The following KLF12 variants were observed in gnomAD, a reference collection of about 807,000 sequenced individuals.
KLF12 encodes the protein KLF transcription factor 12, also known as Krueppel-like factor 12.
In KLF12, 9 loss-of-function variants were observed where a neutral mutation model predicts 37.8. The observed-to-expected ratio is 0.24, with a 90% CI of 0.14 to 0.42. KLF12 has a LOEUF of 0.42. Among genes scored for constraint, KLF12 ranks in the 10% least tolerant of loss-of-function variants. The pLI is 1.00. For synonymous variants in KLF12, 208 were observed against 202.1 expected, an observed-to-expected ratio of 1.03 and a Z score of -0.25; for missense variants, 411 against 516.0, an observed-to-expected ratio of 0.80 and a Z score of 1.97.
intron 6 of KLF12, among the ~76,000 whole-genome samples, chr13:73,732,054 A>G (rs7337489): frequency 6.6e-6 from 1 of 151,420 alleles, no homozygotes; most frequent in African/African-American, 2.4e-5. Flanking sequence ...CTGCTGTTTC[A>G]CTTTGTGTTA....
intron 3 of KLF12, among the ~76,000 whole-genome samples, chr13:73,915,689 A>ATTTTTTTTTTTTTTTTTTTTTTTTTTT (rs140697314): frequency 1.0e-5 from 1 of 99,150 alleles, no homozygotes; most frequent in Non-Finnish European, 2.0e-5. Context: ...ATTTTTTTGT[A>ATTTTTTTTTTTTTTTTTTTTTTTTTTT]TTTTTTTTTT....
chr13:73,698,525 T>C (rs186666464), intron 7 of KLF12, among the ~76,000 whole-genome samples: 6 of 152,338 alleles, frequency 3.9e-5, no homozygotes, highest in Non-Finnish European at 7.4e-5. Context: ...TCCTTTCCAC[T>C]TGAAAATCTG....
intron 3 of KLF12, among the ~76,000 whole-genome samples, chr13:73,904,373 G>T (rs1409000664): frequency 6.6e-6 from 1 of 150,958 alleles, no homozygotes; most frequent in Admixed American, 6.6e-5. Context: ...TATCGTAAAT[G>T]CAATTTTCAT....
At chr13:74,172,980 A>G in the KLF12 span, among the ~76,000 whole-genome samples, 2 of 152,200 alleles carry the variant, frequency 1.3e-5, no homozygotes, top group African/African-American at 4.8e-5. Flanking sequence ...GAAGGAACCC[A>G]CAGTCTCATC....
chr13:74,190,192 T>C, the KLF12 span, among the ~76,000 whole-genome samples: 6 of 152,300 alleles, frequency 3.9e-5, no homozygotes, highest in East Asian at 9.7e-4. Context: ...ACCGACAATA[T>C]ATTAAAATGT....
chr13:74,177,699 G>T, the KLF12 span, among the ~76,000 whole-genome samples: 2 of 152,160 alleles, frequency 1.3e-5, no homozygotes, highest in Non-Finnish European at 2.9e-5. Context: ...GCCTTTGTAC[G>T]AGTTCAGGTG....
intron 2 of KLF12, among the ~76,000 whole-genome samples, chr13:73,992,186 A>C (rs1243108199): frequency 1.3e-5 from 2 of 152,176 alleles, no homozygotes; most frequent in Non-Finnish European, 2.9e-5. Flanking sequence ...TGGCTGGGGG[A>C]AAGAAAAATG....
At chr13:74,064,284 A>G (rs1400808440) in intron 1 of KLF12, among the ~76,000 whole-genome samples, 1 of 152,160 alleles carries the variant, frequency 6.6e-6, no homozygotes, top group Non-Finnish European at 1.5e-5. Flanking sequence ...TTTAAAATGC[A>G]TTTTACCATA....
At chr13:74,058,129 G>A (rs1299959793) in intron 1 of KLF12, among the ~76,000 whole-genome samples, 2 of 151,706 alleles carry the variant, frequency 1.3e-5, no homozygotes, top group Admixed American at 1.3e-4. Flanking sequence ...ATCACGCCCA[G>A]CTAATTTTTG....
chr13:73,883,884 T>C (rs1887097506), intron 3 of KLF12, among the ~76,000 whole-genome samples: 1 of 152,230 alleles, frequency 6.6e-6, no homozygotes, highest in Non-Finnish European at 1.5e-5. Flanking sequence ...TGTTCCACAC[T>C]GAGTAGCTAT....
intron 7 of KLF12, 52 bp downstream of exon 7, chr13:73,715,316 C>A: frequency 2.8e-5 from 43 of 1,550,706 alleles, no homozygotes; most frequent in South Asian, 2.7e-4. Context: ...AAGTGGCCGG[C>A]GCTTTATGGA....
At chr13:74,190,240 T>C in the KLF12 span, among the ~76,000 whole-genome samples, 1 of 152,198 alleles carries the variant, frequency 6.6e-6, no homozygotes, top group African/African-American at 2.4e-5. Context: ...ACCAAACTTT[T>C]TGACCTTTGC....
chr13:73,832,626 T>C (rs2138590977), intron 4 of KLF12, among the ~76,000 whole-genome samples: 1 of 152,354 alleles, frequency 6.6e-6, no homozygotes, highest in East Asian at 1.9e-4. Flanking sequence ...AATACGTTTT[T>C]AAGATCAGAG....
intron 7 of KLF12, among the ~76,000 whole-genome samples, chr13:73,708,247 C>T (rs1875097396): frequency 6.6e-6 from 1 of 152,080 alleles, no homozygotes; most frequent in South Asian, 2.1e-4. Context: ...AGGTGTATGG[C>T]TTTCATATGA....
chr13:73,861,126 T>C (rs1455091563), intron 3 of KLF12, among the ~76,000 whole-genome samples: 1 of 152,220 alleles, frequency 6.6e-6, no homozygotes, highest in African/African-American at 2.4e-5. Context: ...TCTTCATGTC[T>C]ATCAAGTTTT....
intron 5 of KLF12, among the ~76,000 whole-genome samples, chr13:73,808,159 G>A (rs546137999): frequency 1.8e-4 from 27 of 151,920 alleles, no homozygotes; most frequent in African/African-American, 6.5e-4. Flanking sequence ...GTTGTTAAGG[G>A]TAATGACCCT....
At chr13:74,071,554 G>C (rs570839047) in intron 1 of KLF12, among the ~76,000 whole-genome samples, 5 of 152,006 alleles carry the variant, frequency 3.3e-5, no homozygotes, top group Middle Eastern at 3.4e-3. Context: ...TTAGCCGGGC[G>C]TGGTGGCAGG....
the KLF12 span, among the ~76,000 whole-genome samples, chr13:74,302,652 G>A: frequency 1.7e-4 from 26 of 152,052 alleles, no homozygotes; most frequent in Non-Finnish European, 3.1e-4. Flanking sequence ...CTGAATCATC[G>A]CCAAGTTTCC....
rs1023439130 is a variant in KLF12, at chr13:74,087,340, T to A, written c.-32+46399A>T. On this transcript the variant is annotated intron_variant, in intron 1 of 7. Coordinates refer to ENST00000377669, the MANE Select transcript of KLF12 (RefSeq NM_007249.5). ...CAAGACAGAAGGGTTTAAAAAAAAT[T>A]TTTTTTTTTTTTGAGAGAATTTTCT... 6.4e-4 allele frequency among the ~76,000 whole-genome samples: 95 copies of A among 147,396 alleles called. 1 individual carries two copies. The highest frequency in any genetic ancestry group is 1.1e-3 in the Admixed American group (16 of 14,870).
Sources: gnomAD v4.1 joint callset for allele counts (sites outside exome capture counted in the v4.1 genomes callset) on GRCh38, gnomAD v4.1.1 for gene constraint, MANE v1.5 for transcripts, NCBI Gene and HGNC (gene_info 2026-07-23, HGNC 2026-07-21) for gene names.